The following CR1L variants were observed in gnomAD, a reference collection of about 807,000 sequenced individuals.
CR1L encodes complement C3b/C4b receptor 1 like.
A neutral mutation model predicts 62.3 loss-of-function variants in CR1L; 59 were observed. The observed-to-expected ratio is 0.95, with a 90% CI of 0.77 to 1.18. The LOEUF is 1.18. CR1L is among the 50% of genes most tolerant of loss of function. CR1L has a pLI of 0.00. For synonymous variants in CR1L, 279 were observed against 248.7 expected (o/e 1.12, Z -1.15); for missense variants, 700 against 702.8 (o/e 1.00, Z 0.04).
chr1:207,722,632 A>G (rs780300729), intron 11 of CR1L, among the ~76,000 whole-genome samples: 1 of 152,200 alleles, frequency 6.6e-6, no homozygotes, highest in Non-Finnish European at 1.5e-5. Context: ...AGTGTGATAA[A>G]GTACCCTTTT....
intron 1 of CR1L, among the ~76,000 whole-genome samples, chr1:207,664,837 G>A (rs1278881672): frequency 4.6e-5 from 7 of 152,124 alleles, no homozygotes; most frequent in Non-Finnish European, 1.0e-4. Context: ...AGAATAAATA[G>A]CAAGATAATG....
intron 1 of CR1L, chr1:207,669,371 C>T (rs1224953182): frequency 2.0e-6 from 2 of 992,214 alleles, no homozygotes; most frequent in Non-Finnish European, 3.1e-6. Flanking sequence ...GGTCACTCCT[C>T]TTTGCACTGC....
Position 207,710,300 on chromosome 1 carries a change from G to A in CR1L, c.1414+2037G>A. 1.4e-5 allele frequency: 12 copies of A among 829,602 alleles called. No individual in the cohort carries two copies. In the South Asian group the frequency reaches 1.9e-4, roughly 13 times the overall value. 51.4% of individuals were successfully genotyped at this position (829,602 alleles called of 1,614,324 possible). The stretch of plus-strand genomic sequence containing the variant: ...TGAGATTGCAGTGAGCCATGATCGT[G>A]CCACTGCACTCCAGCCTGGGCGACA... On this transcript the variant is annotated intron_variant, in intron 10 of 11. Coordinates refer to ENST00000508064, the MANE Select transcript of CR1L (RefSeq NM_175710.2).
intron 4 of CR1L, among the ~76,000 whole-genome samples, chr1:207,684,309 C>T (rs957953630): frequency 1.3e-5 from 2 of 152,068 alleles, no homozygotes; most frequent in African/African-American, 2.4e-5. Flanking sequence ...TCAAGGTTAG[C>T]GAAGCTGTGG....
intron 3 of CR1L, among the ~76,000 whole-genome samples, chr1:207,680,537 TA>T (rs66787201): frequency 2.8e-4 from 42 of 151,008 alleles, no homozygotes; most frequent in African/African-American, 8.7e-4. Context: ...TATCTCAAAA[TA>T]AAAAAATTTT....
intron 10 of CR1L, chr1:207,710,690 T>C (rs1664341442): frequency 1.9e-6 from 3 of 1,609,974 alleles, no homozygotes; most frequent in Non-Finnish European, 2.5e-6. Context: ...GGAGTTTAGG[T>C]GTCAGCCTGG....
chr1:207,677,307 C>CAAAAAAAAAAAAAAAAAAAAAAAAAA, intron 1 of CR1L, 82 bp from the exon 2 acceptor site: 1 of 460,606 alleles, frequency 2.2e-6, no homozygotes, highest in Non-Finnish European at 3.0e-6. Flanking sequence ...GACTCTGTCA[C>CAAAAAAAAAAAAAAAAAAAAAAAAAA]AAAAAAAAAA....
intron 11 of CR1L, 145 bp downstream of exon 11, chr1:207,717,836 A>T: frequency 9.8e-7 from 1 of 1,021,678 alleles, no homozygotes; most frequent in Non-Finnish European, 1.4e-6. Context: ...AGTGAATGAC[A>T]AATGGGTTCT....
chr1:207,659,005 T>C (rs1663362449), intron 1 of CR1L: 1 of 152,394 alleles, frequency 6.6e-6, no homozygotes, highest in Non-Finnish European at 1.5e-5. Flanking sequence ...ACCCGCATGA[T>C]GGGATGCACC....
intron 10 of CR1L, 73 bp from the exon 11 acceptor site, chr1:207,717,391 C>T (rs2102483535): frequency 4.0e-6 from 6 of 1,499,390 alleles, no homozygotes; most frequent in Non-Finnish European, 5.5e-6. Context: ...ATAGCACTGT[C>T]GCAGGTCACT....
At chr1:207,647,509 A>G (rs1571638720) in intron 1 of CR1L, among the ~76,000 whole-genome samples, 3 of 152,170 alleles carry the variant, frequency 2.0e-5, no homozygotes, top group South Asian at 4.1e-4. Flanking sequence ...TCCCCATCAG[A>G]ATGCAGGAAT....
At chr1:207,650,694 T>TGG (rs1305742044) in intron 1 of CR1L, among the ~76,000 whole-genome samples, 1 of 152,200 alleles carries the variant, frequency 6.6e-6, no homozygotes, top group African/African-American at 2.4e-5. Flanking sequence ...AATACTAATC[T>TGG]GGGCAGGGCT....
intron 1 of CR1L, 104 bp downstream of exon 1, chr1:207,645,434 T>G (rs558030518): frequency 7.3e-4 from 960 of 1,317,140 alleles, no homozygotes; most frequent in Non-Finnish European, 1.0e-3. Context: ...TCGTGCCTGC[T>G]TGGGATAGAG....
intron 9 of CR1L, 153 bp downstream of exon 9, chr1:207,701,771 GAGA>G (rs150293968): frequency 0.068 from 73,073 of 1,068,464 alleles, 4,920 homozygotes; most frequent in East Asian, 0.36. Context: ...ACAAAGATAG[GAGA>G]AGATTAGGGG....
intron 5 of CR1L, 68 bp from the exon 6 acceptor site, chr1:207,697,435 G>T (rs565921213): frequency 6.2e-7 from 1 of 1,611,908 alleles, no homozygotes; most frequent in Admixed American, 1.7e-5. Context: ...TTATTCCCTT[G>T]GCCAGTTTAA....
intron 3 of CR1L, among the ~76,000 whole-genome samples, chr1:207,682,992 T>TTTCTTTC (rs1558017874): frequency 0.036 from 2,998 of 82,620 alleles, 56 homozygotes; most frequent in South Asian, 0.068. Flanking sequence ...TTCTTTCTTT[T>TTTCTTTC]TTTCTTTCTT....
At chr1:207,714,567 A>G (rs1209201671) in intron 10 of CR1L, among the ~76,000 whole-genome samples, 1 of 152,136 alleles carries the variant, frequency 6.6e-6, no homozygotes, top group Non-Finnish European at 1.5e-5. Context: ...GCTTATGTGT[A>G]TCCATTATTC....
At chr1:207,665,669 A>C (rs1158344451) in intron 1 of CR1L, among the ~76,000 whole-genome samples, 4 of 152,264 alleles carry the variant, frequency 2.6e-5, no homozygotes, top group African/African-American at 9.6e-5. Context: ...CTGGGATTAC[A>C]GGCGTGAGCC....
intron 7 of CR1L, among the ~76,000 whole-genome samples, chr1:207,698,692 G>A (rs1043599058): frequency 8.5e-5 from 13 of 152,062 alleles, no homozygotes; most frequent in African/African-American, 2.7e-4. Context: ...TAGAATATTC[G>A]TGCTTACTCT....
Sources: gnomAD v4.1 joint callset for allele counts (sites outside exome capture counted in the v4.1 genomes callset) on GRCh38, gnomAD v4.1.1 for gene constraint, MANE v1.5 for transcripts, NCBI Gene and HGNC (gene_info 2026-07-23, HGNC 2026-07-21) for gene names.